The following RBFOX1 variants were observed in gnomAD, a reference collection of about 807,000 sequenced individuals.
RBFOX1 encodes RNA binding fox-1 homolog 1, also known as RNA binding protein fox-1 homolog 1.
In RBFOX1, 8 loss-of-function variants were observed where a neutral mutation model predicts 57.7. That is an observed-to-expected ratio of 0.14 (90% CI 0.08 to 0.25). The LOEUF (loss-of-function observed/expected upper bound fraction) is 0.25. Among genes scored for constraint, RBFOX1 ranks in the 10% least tolerant of loss-of-function variants. RBFOX1 has a pLI of 1.00. For synonymous variants in RBFOX1, 326 were observed against 222.4 expected, an observed-to-expected ratio of 1.47 and a Z score of -4.15; for missense variants, 611 against 548.5, an observed-to-expected ratio of 1.11 and a Z score of -1.14.
intron 4 of RBFOX1, among the ~76,000 whole-genome samples, chr16:7,060,029 T>C (rs2053759756): frequency 6.6e-6 from 1 of 152,206 alleles, no homozygotes; most frequent in Admixed American, 6.5e-5. Flanking sequence ...GGAAAGATTC[T>C]GCAGTCAGAT....
At chr16:7,338,557 T>A (rs1291255677) in intron 4 of RBFOX1, among the ~76,000 whole-genome samples, 1 of 152,152 alleles carries the variant, frequency 6.6e-6, no homozygotes, top group Non-Finnish European at 1.5e-5. Flanking sequence ...CTCAGCTTTT[T>A]TAAAAAAAAT....
chr16:6,009,411 C>A (rs1274506580), intron 4 of RBFOX1, among the ~76,000 whole-genome samples: 1 of 152,128 alleles, frequency 6.6e-6, no homozygotes, highest in Non-Finnish European at 1.5e-5. Flanking sequence ...ATTTCTGATG[C>A]CTAATTTGTT....
rs566630277 is a variant in RBFOX1, at chr16:6,861,033, G to C, written c.-15-191024G>C. Among the ~76,000 whole-genome samples, 25 of 152,266 alleles carry C rather than the reference G, an allele frequency of 1.6e-4. No individual in the cohort carries two copies. The South Asian group carries it at 3.7e-3, about 23-fold the overall frequency. On this transcript the variant is annotated intron_variant, in intron 3 of 15. Transcript: ENST00000550418. ...GCAGTATGCCCACCACTGTTAGGGA[G>C]TAGGGGAGCGGTTGTAATCTGCGAG...
At chr16:6,239,497 T>C in intron 1 of RBFOX1, among the ~76,000 whole-genome samples, 1 of 127,552 alleles carries the variant, frequency 7.8e-6, no homozygotes, top group East Asian at 2.2e-4. Context: ...TTTTTTTTTT[T>C]TTTTTTTTTT....
At chr16:7,093,836 G>C (rs1372064113) in intron 4 of RBFOX1, among the ~76,000 whole-genome samples, 1 of 151,928 alleles carries the variant, frequency 6.6e-6, no homozygotes, top group East Asian at 1.9e-4. Context: ...AAAGTGATTT[G>C]TATCATAAAG....
intron 4 of RBFOX1, among the ~76,000 whole-genome samples, chr16:7,188,981 G>A (rs2152585737): frequency 6.6e-6 from 1 of 152,238 alleles, no homozygotes; most frequent in South Asian, 2.1e-4. Flanking sequence ...TCAAGGAAGG[G>A]TTGGTTCAAG....
intron 2 of RBFOX1, among the ~76,000 whole-genome samples, chr16:6,488,597 G>T (rs1199091223): frequency 6.6e-6 from 1 of 152,140 alleles, no homozygotes; most frequent in Non-Finnish European, 1.5e-5. Context: ...AAATTTTTCT[G>T]ATTCCAATAT....
At chr16:6,609,123 C>A (rs2097996699) in intron 2 of RBFOX1, among the ~76,000 whole-genome samples, 1 of 152,272 alleles carries the variant, frequency 6.6e-6, no homozygotes. Context: ...TAATCAGCAA[C>A]CTTGATTCCC....
chr16:6,866,359 A>G (rs2059907366), intron 3 of RBFOX1, among the ~76,000 whole-genome samples: 1 of 151,924 alleles, frequency 6.6e-6, no homozygotes, highest in Admixed American at 6.6e-5. Flanking sequence ...GTAATAATGG[A>G]ACTCTGTTGA....
At chr16:5,927,233 C>G (rs1245343423) in intron 4 of RBFOX1, among the ~76,000 whole-genome samples, 3 of 152,348 alleles carry the variant, frequency 2.0e-5, no homozygotes, top group Non-Finnish European at 2.9e-5. Context: ...AAGTGTGTGA[C>G]TTGCTCTGTC....
At chr16:6,066,767 T>G (rs760397552) in intron 1 of RBFOX1, among the ~76,000 whole-genome samples, 1 of 152,238 alleles carries the variant, frequency 6.6e-6, no homozygotes, top group South Asian at 2.1e-4. Context: ...ATGTCAAGGA[T>G]GCAAGCTGAA....
chr16:6,806,745 C>A (rs1352455841), intron 3 of RBFOX1, among the ~76,000 whole-genome samples: 1 of 139,740 alleles, frequency 7.2e-6, no homozygotes, highest in Non-Finnish European at 1.6e-5. Context: ...GTTTTTTCTC[C>A]CTTTCTTTTT....
At chr16:6,204,793 C>T (rs573610162) in intron 1 of RBFOX1, among the ~76,000 whole-genome samples, 1 of 152,154 alleles carries the variant, frequency 6.6e-6, no homozygotes, top group East Asian at 1.9e-4. Flanking sequence ...CTTTTGTCAG[C>T]ACGTTGTGTG....
At chr16:6,879,480 C>A (rs924513682) in intron 3 of RBFOX1, among the ~76,000 whole-genome samples, 1 of 152,020 alleles carries the variant, frequency 6.6e-6, no homozygotes, top group Non-Finnish European at 1.5e-5. Context: ...ATTGATGACC[C>A]CATCATGACC....
At chr16:7,235,998 C>T (rs1374692361) in intron 4 of RBFOX1, among the ~76,000 whole-genome samples, 1 of 152,134 alleles carries the variant, frequency 6.6e-6, no homozygotes, top group Non-Finnish European at 1.5e-5. Context: ...TGATTAGTAA[C>T]TAGAGAGATT....
At chr16:5,597,322 C>T (rs2047214990) in intron 2 of RBFOX1, among the ~76,000 whole-genome samples, 1 of 145,500 alleles carries the variant, frequency 6.9e-6, no homozygotes. Flanking sequence ...GAGACAGGGT[C>T]TTGCTTGAGA....
intron 2 of RBFOX1, among the ~76,000 whole-genome samples, chr16:6,646,128 G>T (rs1395811472): frequency 6.6e-6 from 1 of 152,082 alleles, no homozygotes; most frequent in African/African-American, 2.4e-5. Flanking sequence ...TTTTCCAAGC[G>T]AAGTGGTCGA....
chr16:5,745,188 A>C (rs1216029240), intron 3 of RBFOX1, among the ~76,000 whole-genome samples: 1 of 152,010 alleles, frequency 6.6e-6, no homozygotes, highest in Non-Finnish European at 1.5e-5. Context: ...GAGAACATGC[A>C]GTGTTTGGTT....
At chr16:6,768,574 A>C (rs2077751726) in intron 3 of RBFOX1, among the ~76,000 whole-genome samples, 1 of 151,890 alleles carries the variant, frequency 6.6e-6, no homozygotes, top group Non-Finnish European at 1.5e-5. Flanking sequence ...GTATGAGAGA[A>C]AAAGATGGAT....
Sources: allele counts gnomAD v4.1 joint callset (sites outside exome capture counted in the v4.1 genomes callset), GRCh38; gene constraint gnomAD v4.1.1; transcripts MANE v1.5; gene names NCBI Gene and HGNC (gene_info 2026-07-23, HGNC 2026-07-21).